The following CORO7 variants were observed in gnomAD, a reference collection of about 807,000 sequenced individuals.
CORO7 encodes coronin-7.
A neutral mutation model predicts 126.6 loss-of-function variants in CORO7; 107 were observed. That is an observed-to-expected ratio of 0.85 (90% confidence interval 0.72 to 0.99). CORO7 has a LOEUF of 0.99. Among genes scored for constraint, CORO7 ranks in the 50% least tolerant of loss-of-function variants. The pLI, the probability that CORO7 is intolerant of heterozygous loss-of-function variation, is 0.00. For missense variants in CORO7, 1,314 were observed against 1,255.8 expected (o/e 1.05, Z -0.70); for synonymous variants, 603 against 536.8 (o/e 1.12, Z -1.70).
intron 2 of CORO7, chr16:4,412,652 C>T (rs1008311846): frequency 1.3e-4 from 73 of 548,864 alleles, no homozygotes; most frequent in Non-Finnish European, 1.2e-4. Flanking sequence ...AGACATTAGG[C>T]GAGAGGTCCT....
At chr16:4,384,114 A>G (rs2055105802) in intron 9 of CORO7, among the ~76,000 whole-genome samples, 1 of 152,176 alleles carries the variant, frequency 6.6e-6, no homozygotes, top group Non-Finnish European at 1.5e-5. Context: ...GAATCATCAA[A>G]GGCAGGGACC....
chr16:4,389,792 C>A (rs968605346), intron 7 of CORO7, among the ~76,000 whole-genome samples: 7 of 152,242 alleles, frequency 4.6e-5, no homozygotes, highest in Admixed American at 3.9e-4. Context: ...CAGGCTCCTG[C>A]CCTCTCGTTG....
At chr16:4,413,255 G>T in intron 2 of CORO7, 53 bp downstream of exon 2, 1 of 1,518,446 alleles carries the variant, frequency 6.6e-7, no homozygotes, top group Non-Finnish European at 8.9e-7. Context: ...CCCATCTATG[G>T]TGACGATGAC....
chr16:4,392,245 G>A (rs1007391224), intron 7 of CORO7, among the ~76,000 whole-genome samples: 3 of 152,138 alleles, frequency 2.0e-5, no homozygotes, highest in Non-Finnish European at 4.4e-5. Context: ...AGCTGGGCCG[G>A]TTGTAAAGGG....
chr16:4,374,656 C>T (rs1221596285), intron 9 of CORO7, among the ~76,000 whole-genome samples: 1 of 152,140 alleles, frequency 6.6e-6, no homozygotes, highest in Non-Finnish European at 1.5e-5. Flanking sequence ...GTGGCCAGGT[C>T]CTGTTCTGCC....
Position 4,399,408 on chromosome 16 carries a change from T to C in CORO7, c.565-4069A>G, listed in dbSNP as rs950714939. On this transcript the variant is annotated intron_variant, in intron 6 of 27. Transcript: ENST00000251166. ...AAGAGCAAATAGTATATGATTCCAC[T>C]TATGTGGGGCATCTAAAGTAGTCAA... 2.0e-5 allele frequency among the ~76,000 whole-genome samples: 3 copies of C among 152,312 alleles called. No homozygotes were observed. The East Asian group carries it at 5.8e-4, about 29-fold the overall frequency.
Position 4,362,647 on chromosome 16 carries a change from G to A in CORO7, c.1367C>T (p.Thr456Ile). 1.9e-6 allele frequency: 3 copies of A among 1,557,884 alleles called. No homozygotes were observed. The highest frequency in any genetic ancestry group is 2.6e-6 in the Non-Finnish European group (3 of 1,154,814). Residue 456 changes from threonine to isoleucine, a missense_variant, in exon 15 of 28, where the codon ACC becomes ATC. Coordinates refer to ENST00000251166, the MANE Select transcript of CORO7 (RefSeq NM_024535.5). The surrounding 1 kb of genome is among the most constrained non-coding windows in gnomAD (Gnocchi z 5.3). Reference sequence around the variant, plus strand: ...CTGCAGCGACCTCAAACTGGGGCTGGTCCCGATGCCACTGGTGCTGGAGAG... The same window carrying A: ...CTGCAGCGACCTCAAACTGGGGCTGATCCCGATGCCACTGGTGCTGGAGAG... ...PSLSSTSGIG[T>I]SPSLRSLQSL... is the part of the protein sequence containing the mutation.
chr16:4,370,522 A>G (rs2054487249), intron 9 of CORO7, among the ~76,000 whole-genome samples: 1 of 152,202 alleles, frequency 6.6e-6, no homozygotes, highest in African/African-American at 2.4e-5. Flanking sequence ...GCCTGCACTA[A>G]ATGCACCCAA....
intron 8 of CORO7, 123 bp downstream of exon 8, chr16:4,388,422 C>T (rs1055362958): frequency 2.2e-5 from 24 of 1,087,752 alleles, no homozygotes; most frequent in East Asian, 2.6e-5. Flanking sequence ...ACAGCCAGGC[C>T]GTATATGGAC....
At chr16:4,379,827 G>A (rs1267829137) in intron 9 of CORO7, among the ~76,000 whole-genome samples, 2 of 148,646 alleles carry the variant, frequency 1.3e-5, no homozygotes, top group African/African-American at 5.0e-5. Context: ...CAGATCACCT[G>A]AGGTCAGGAG....
rs2054316149 is a variant in CORO7, at chr16:4,365,370, C to T, written c.840+121G>A. On this transcript the variant is annotated intron_variant, in intron 10 of 27. Coordinates refer to ENST00000251166, the MANE Select transcript of CORO7 (RefSeq NM_024535.5). ...GCCAGTGTTCTAGGAGAGCTACAGT[C>T]ACCTTGGCTGCACAGGGGAAGACAC... 10 of 1,419,714 alleles carry T rather than the reference C, an allele frequency of 7.0e-6. No homozygotes were observed. The East Asian group carries it at 2.5e-4, about 35-fold the overall frequency. 87.9% of individuals were successfully genotyped at this position (1,419,714 alleles called of 1,614,324 possible).
At position 4,357,983 on chromosome 16, in the gene CORO7, G is replaced by A. The variant is rs753263864; in HGVS notation, c.2578C>T (p.Pro860Ser). Residue 860 changes from proline to serine, a missense_variant, in exon 25 of 28, where the codon CCT becomes TCT. Transcript: ENST00000251166. Reference protein sequence around the residue: ...GQPWLLSLQPPDMSPVSQAPR... With the variant: ...GQPWLLSLQPSDMSPVSQAPR... ...CTCGGTGCACCTGGGCTCATGTCAG[G>A]AGGCTGCAGGCTGAGAAGCCAGGGC... is the stretch of plus-strand genomic sequence containing the variant. 3 of 1,607,736 alleles carry A rather than the reference G, an allele frequency of 1.9e-6. No individual in the cohort carries two copies. The highest frequency in any genetic ancestry group is 2.6e-6 in the Non-Finnish European group (3 of 1,175,188).
rs973575121 is a variant in CORO7, at chr16:4,362,876, C to T, written c.1276-138G>A. On this transcript the variant is annotated intron_variant, in intron 14 of 27. Transcript: ENST00000251166. This position sits in a 1 kb window ranked among gnomAD's most constrained non-coding sequence, Gnocchi z 5.3. Reference sequence around the variant, plus strand: ...CCCCACTGTGGGCATGCGACAGGAGCGGCGGGGGGCACGGGCATAAACGCA... The same window carrying T: ...CCCCACTGTGGGCATGCGACAGGAGTGGCGGGGGGCACGGGCATAAACGCA... The T allele has an allele frequency of 1.5e-5, 16 of 1,041,632 alleles. No homozygotes were observed. The highest frequency in any genetic ancestry group is 4.2e-5 in the Admixed American group (1 of 23,808). The allele number at this position is 1,041,632 out of a possible 1,614,324, so 64.5% of individuals were successfully genotyped here. A position where few individuals can be genotyped will look rare whatever the true frequency, so the allele number is the denominator to read the frequency against.
At chr16:4,403,977 G>T (rs920902116) in intron 6 of CORO7, among the ~76,000 whole-genome samples, 4 of 152,196 alleles carry the variant, frequency 2.6e-5, no homozygotes, top group African/African-American at 9.7e-5. Flanking sequence ...CGCATACCAG[G>T]TCTCCCCAGA....
intron 9 of CORO7, among the ~76,000 whole-genome samples, chr16:4,365,791 A>G (rs1481899396): frequency 6.6e-6 from 1 of 151,868 alleles, no homozygotes; most frequent in Non-Finnish European, 1.5e-5. Context: ...CCAGGACTGG[A>G]GTGGGCACAG....
At chr16:4,369,314 G>A (rs12445367) in intron 9 of CORO7, among the ~76,000 whole-genome samples, 5,678 of 152,384 alleles carry the variant, frequency 0.037, 137 homozygotes, top group Admixed American at 0.091. Flanking sequence ...ACCCCAGGCT[G>A]TGTGAAGAGA....
At chr16:4,367,883 G>A (rs529458985) in intron 9 of CORO7, among the ~76,000 whole-genome samples, 90 of 152,140 alleles carry the variant, frequency 5.9e-4, no homozygotes, top group African/African-American at 2.1e-3. Flanking sequence ...CAATGAAAAG[G>A]TGACGGTGCG....
chr16:4,394,448 CA>C (rs569253246), intron 7 of CORO7, among the ~76,000 whole-genome samples: 1,446 of 61,764 alleles, frequency 0.023, 21 homozygotes, highest in African/African-American at 0.069. Flanking sequence ...GACTCCGTCT[CA>C]AAAAAAAAAA....
At chr16:4,397,539 T>C (rs559329394) in intron 6 of CORO7, 1 of 152,122 alleles carries the variant, frequency 6.6e-6, no homozygotes, top group East Asian at 1.9e-4. Context: ...AGTGGAAGAA[T>C]CACTTGAGCC....
Sources: allele counts gnomAD v4.1 joint callset (sites outside exome capture counted in the v4.1 genomes callset), GRCh38; gene constraint gnomAD v4.1.1; non-coding constraint Gnocchi (gnomAD v3.1); transcripts MANE v1.5; gene names NCBI Gene and HGNC (gene_info 2026-07-23, HGNC 2026-07-21).